DOCK10: variants seen among roughly 807,000 people sequenced by gnomAD.
DOCK10 encodes dedicator of cytokinesis 10.
Under a neutral mutation model 280.1 loss-of-function variants are expected in DOCK10, and 145 were observed. The ratio of observed to expected loss-of-function variants is 0.52; its 90% confidence interval spans 0.45 to 0.59. The LOEUF is 0.59. DOCK10 is among the 20% of genes least tolerant of loss of function. The pLI, the probability that DOCK10 is intolerant of heterozygous loss-of-function variation, is 0.00. For synonymous variants in DOCK10, 915 were observed against 942.2 expected (o/e 0.97, Z 0.53); for missense variants, 2,368 against 2,651.7 (o/e 0.89, Z 2.35).
intron 16 of DOCK10, among the ~76,000 whole-genome samples, chr2:224,853,856 C>T (rs79128932): frequency 0.01 from 1,560 of 152,242 alleles, 22 homozygotes; most frequent in African/African-American, 0.035. Flanking sequence ...TGATTAGCTA[C>T]GAATGCTTGA....
At chr2:224,781,591 G>T (rs185498498) in intron 50 of DOCK10, among the ~76,000 whole-genome samples, 1 of 152,176 alleles carries the variant, frequency 6.6e-6, no homozygotes, top group Non-Finnish European at 1.5e-5. Context: ...GAAAACCAGG[G>T]TCAGTTTCTC....
chr2:224,861,820 A>G (rs1175209593), intron 14 of DOCK10: 1 of 152,010 alleles, frequency 6.6e-6, no homozygotes, highest in Non-Finnish European at 1.5e-5. Context: ...CTGGTCTCGA[A>G]CTCCTGACCT....
At chr2:224,973,609 C>A (rs1459696613) in intron 1 of DOCK10, among the ~76,000 whole-genome samples, 1 of 152,058 alleles carries the variant, frequency 6.6e-6, no homozygotes, top group East Asian at 1.9e-4. Flanking sequence ...CCAGTGAGAT[C>A]CGTTTCAGAT....
chr2:224,804,724 C>T, intron 38 of DOCK10, 70 bp downstream of exon 38: 1 of 1,015,224 alleles, frequency 9.9e-7, no homozygotes, highest in Non-Finnish European at 1.4e-6. Flanking sequence ...TAACTCTAAC[C>T]TGACACATTA....
intron 14 of DOCK10, chr2:224,861,711 A>G (rs1697511033): frequency 6.6e-6 from 1 of 152,204 alleles, no homozygotes; most frequent in African/African-American, 2.4e-5. Flanking sequence ...TAATGTCAGC[A>G]AAGTTCAAAT....
At chr2:224,996,872 G>C (rs1706286140) in intron 1 of DOCK10, among the ~76,000 whole-genome samples, 1 of 152,182 alleles carries the variant, frequency 6.6e-6, no homozygotes, top group African/African-American at 2.4e-5. Context: ...GTATAGGGGT[G>C]CAGCAGGCAG....
chr2:224,904,994 T>C (rs376549279), intron 3 of DOCK10, among the ~76,000 whole-genome samples: 1 of 152,206 alleles, frequency 6.6e-6, no homozygotes, highest in Admixed American at 6.5e-5. Context: ...TGTAATTTTC[T>C]TCACTATGTT....
At chr2:224,978,631 T>A (rs1705573707) in intron 1 of DOCK10, among the ~76,000 whole-genome samples, 1 of 152,188 alleles carries the variant, frequency 6.6e-6, no homozygotes, top group South Asian at 2.1e-4. Flanking sequence ...TAATGCGTGA[T>A]TAACTTTCAA....
intron 21 of DOCK10, 66 bp from the exon 22 acceptor site, chr2:224,844,905 T>C: frequency 2.6e-6 from 3 of 1,169,258 alleles, no homozygotes; most frequent in South Asian, 2.6e-5. Flanking sequence ...ATAGATTGTT[T>C]AGTTTATGTT....
intron 3 of DOCK10, among the ~76,000 whole-genome samples, chr2:224,910,841 C>T (rs1284613826): frequency 6.6e-6 from 1 of 152,172 alleles, no homozygotes; most frequent in Non-Finnish European, 1.5e-5. Flanking sequence ...CTATGAAGCA[C>T]AGGTTTCACT....
chr2:224,983,896 A>C, intron 1 of DOCK10: 1 of 470,666 alleles, frequency 2.1e-6, no homozygotes, highest in Non-Finnish European at 4.4e-6. Flanking sequence ...CCCGGGTGCT[A>C]ATCTAAACCA....
chr2:224,901,291 A>T (rs1700281936), intron 3 of DOCK10, among the ~76,000 whole-genome samples: 1 of 152,118 alleles, frequency 6.6e-6, no homozygotes, highest in Non-Finnish European at 1.5e-5. Flanking sequence ...CAATGACTCC[A>T]ATTTTCCCCT....
intron 22 of DOCK10, among the ~76,000 whole-genome samples, chr2:224,842,428 AT>A: frequency 6.6e-6 from 1 of 152,154 alleles, no homozygotes; most frequent in East Asian, 1.9e-4. Flanking sequence ...TACCTGGAAA[AT>A]TCTCTAAGTT....
At chr2:224,873,412 A>G (rs1388741054) in intron 11 of DOCK10, among the ~76,000 whole-genome samples, 1 of 151,984 alleles carries the variant, frequency 6.6e-6, no homozygotes, top group African/African-American at 2.4e-5. Context: ...CCTCATCTGT[A>G]TAAGAAATAC....
intron 1 of DOCK10, among the ~76,000 whole-genome samples, chr2:224,943,040 C>A (rs1483173733): frequency 6.6e-6 from 1 of 151,944 alleles, no homozygotes; most frequent in Non-Finnish European, 1.5e-5. Flanking sequence ...CACTAGAGAT[C>A]ATACTGAAGA....
chr2:225,035,545 T>C (rs868260963), intron 1 of DOCK10, among the ~76,000 whole-genome samples: 1 of 11,512 alleles, frequency 8.7e-5, no homozygotes, highest in Non-Finnish European at 1.9e-4. Context: ...ATATATATTA[T>C]ATATATATAT....
At chr2:224,767,113 A>C (rs1279121872) in intron 55 of DOCK10, among the ~76,000 whole-genome samples, 3 of 152,206 alleles carry the variant, frequency 2.0e-5, no homozygotes, top group Non-Finnish European at 4.4e-5. Flanking sequence ...CCCATTCCTG[A>C]ATGTAGGCTG....
intron 1 of DOCK10, among the ~76,000 whole-genome samples, chr2:225,041,354 C>T (rs1401947037): frequency 2.0e-5 from 3 of 152,186 alleles, no homozygotes; most frequent in Non-Finnish European, 4.4e-5. Context: ...TGCTGTGAGG[C>T]TGTTGTTCCC....
chr2:224,972,822 A>G (rs534292888), intron 1 of DOCK10, among the ~76,000 whole-genome samples: 43 of 152,374 alleles, frequency 2.8e-4, no homozygotes, highest in Middle Eastern at 3.4e-3. Context: ...TTCCTTTAAT[A>G]AATGATGAAA....
Sources: allele counts gnomAD v4.1 joint callset (sites outside exome capture counted in the v4.1 genomes callset), GRCh38; gene constraint gnomAD v4.1.1; transcripts MANE v1.5; gene names NCBI Gene and HGNC (gene_info 2026-07-23, HGNC 2026-07-21).